OSBPL1A: variants seen among roughly 807,000 people sequenced by gnomAD.
OSBPL1A encodes oxysterol binding protein like 1A.
In OSBPL1A, 80 loss-of-function variants were observed where a neutral mutation model predicts 137.1. That is an observed-to-expected ratio of 0.58 (90% CI 0.49 to 0.70). The LOEUF (loss-of-function observed/expected upper bound fraction) is 0.70, where lower values mean the gene tolerates loss of function less well. Among genes scored for constraint, OSBPL1A ranks in the 30% least tolerant of loss-of-function variants. OSBPL1A has a pLI of 0.00. For missense variants in OSBPL1A, 970 were observed against 1,129.4 expected (o/e 0.86, Z 2.02); for synonymous variants, 365 against 389.7 (o/e 0.94, Z 0.75).
intron 1 of OSBPL1A, among the ~76,000 whole-genome samples, chr18:24,394,751 CTT>C (rs1907613552): frequency 6.6e-6 from 1 of 152,036 alleles, no homozygotes; most frequent in Non-Finnish European, 1.5e-5. Context: ...TAAAGAAAAA[CTT>C]TAAACACAAA....
intron 15 of OSBPL1A, among the ~76,000 whole-genome samples, chr18:24,259,689 G>C (rs920968576): frequency 3.3e-5 from 5 of 151,952 alleles, no homozygotes; most frequent in African/African-American, 1.2e-4. Flanking sequence ...TTGGGTTTGG[G>C]GTTTTTTGCT....
chr18:24,200,745 CT>C (rs976301045), intron 17 of OSBPL1A, among the ~76,000 whole-genome samples: 2 of 151,924 alleles, frequency 1.3e-5, no homozygotes, highest in African/African-American at 4.8e-5. Flanking sequence ...AATTTTATGA[CT>C]CTAAAGTCAA....
intron 17 of OSBPL1A, among the ~76,000 whole-genome samples, chr18:24,204,435 A>G (rs1461787105): frequency 3.3e-5 from 5 of 152,066 alleles, no homozygotes; most frequent in African/African-American, 9.7e-5. Context: ...TTTGTCACCT[A>G]GATTGTACAT....
intron 4 of OSBPL1A, among the ~76,000 whole-genome samples, chr18:24,356,282 A>T (rs1383456781): frequency 6.6e-6 from 1 of 152,240 alleles, no homozygotes; most frequent in African/African-American, 2.4e-5. Context: ...CCAGGGAAAG[A>T]TTCTGCAACA....
In OSBPL1A at chr18:24,324,606, A is replaced by T. The variant is rs1185658491; in HGVS notation, c.626-5797T>A. Among the ~76,000 whole-genome samples, 4 of 88,614 alleles carry T rather than the reference A, an allele frequency of 4.5e-5. 2 individuals are homozygous for T. The highest frequency in any genetic ancestry group is 2.1e-4 in the African/African-American group (4 of 19,274). The allele number at this position is 88,614 out of a possible 152,430, so 58.1% of individuals were successfully genotyped here. ...AATAAAAACATGAATATGAATATAA[A>T]AAAAAAAAAAAAAAAAAAAAAAAAA... On this transcript the variant is annotated intron_variant, in intron 7 of 27. Transcript: ENST00000319481.
At chr18:24,280,017 G>A (rs1344906562) in intron 15 of OSBPL1A, among the ~76,000 whole-genome samples, 1 of 152,078 alleles carries the variant, frequency 6.6e-6, no homozygotes, top group African/African-American at 2.4e-5. Flanking sequence ...TGCAATATCG[G>A]CTTACTGCAA....
chr18:24,211,115 AC>A (rs1366047832), intron 17 of OSBPL1A, among the ~76,000 whole-genome samples: 1 of 152,016 alleles, frequency 6.6e-6, no homozygotes, highest in East Asian at 1.9e-4. Flanking sequence ...ACAGGTGCCC[AC>A]CACCACGCCC....
At chr18:24,231,500 G>C (rs1306198488) in intron 16 of OSBPL1A, among the ~76,000 whole-genome samples, 1 of 152,144 alleles carries the variant, frequency 6.6e-6, no homozygotes, top group Non-Finnish European at 1.5e-5. Context: ...ATGTTGGCCA[G>C]GCTGGTCTTG....
intron 27 of OSBPL1A, 116 bp downstream of exon 27, chr18:24,164,949 A>G (rs1038287066): frequency 3.0e-6 from 3 of 992,888 alleles, no homozygotes; most frequent in African/African-American, 1.6e-5. Context: ...ACAACTCGGC[A>G]GGGTTTGTGT....
At chr18:24,176,705 A>G (rs2086457306) in intron 21 of OSBPL1A, among the ~76,000 whole-genome samples, 1 of 152,176 alleles carries the variant, frequency 6.6e-6, no homozygotes, top group Non-Finnish European at 1.5e-5. Context: ...TTCCAGTGTC[A>G]GTTTAATTTT....
At chr18:24,254,227 C>A (rs140096999) in intron 15 of OSBPL1A, among the ~76,000 whole-genome samples, 447 of 152,290 alleles carry the variant, frequency 2.9e-3, no homozygotes, top group African/African-American at 0.01. Context: ...AAAGATAGAG[C>A]TAGACCTCAA....
intron 13 of OSBPL1A, among the ~76,000 whole-genome samples, chr18:24,310,923 T>C (rs2090610194): frequency 6.6e-6 from 1 of 152,152 alleles, no homozygotes; most frequent in African/African-American, 2.4e-5. Context: ...TTTCCCAGTT[T>C]TAATGTTACT....
intron 9 of OSBPL1A, among the ~76,000 whole-genome samples, chr18:24,318,311 G>C (rs1351951968): frequency 2.0e-5 from 3 of 152,070 alleles, no homozygotes; most frequent in African/African-American, 7.2e-5. Flanking sequence ...AGGCACGGTG[G>C]CGGGCGCCTA....
chr18:24,340,622 T>G (rs750509979), intron 5 of OSBPL1A, among the ~76,000 whole-genome samples: 10 of 152,118 alleles, frequency 6.6e-5, no homozygotes, highest in Non-Finnish European at 1.0e-4. Flanking sequence ...CTGACCAACA[T>G]GCTGAAACCC....
At chr18:24,266,415 G>C (rs916572939) in intron 15 of OSBPL1A, among the ~76,000 whole-genome samples, 1 of 152,112 alleles carries the variant, frequency 6.6e-6, no homozygotes, top group African/African-American at 2.4e-5. Context: ...AATATGTTGA[G>C]CAGATGGAAA....
In OSBPL1A at chr18:24,377,057, G is replaced by C. The variant is rs535535022; in HGVS notation, c.121+356C>G. Among the ~76,000 whole-genome samples the C allele has an allele frequency of 9.5e-4, 144 of 152,334 alleles. 1 individual carries two copies. The highest frequency in any genetic ancestry group is 1.5e-3 in the Admixed American group (23 of 15,300). The stretch of plus-strand genomic sequence containing the variant: ...CCACAGTGCAGCGATGGGCTGAAGG[G>C]CTCCTCAAGTGCCGCCAAAGTGGGA... On this transcript the variant is annotated intron_variant, in intron 2 of 27. Coordinates refer to ENST00000319481, the MANE Select transcript of OSBPL1A (RefSeq NM_080597.4).
Position 24,167,334 on chromosome 18 carries a change from C to A in OSBPL1A, c.2530G>T (p.Ala844Ser). The A allele has an allele frequency of 6.2e-7, 1 of 1,613,846 alleles. No homozygotes were observed. The highest frequency in any genetic ancestry group is 1.3e-5 in the African/African-American group (1 of 75,048). The change falls in exon 25 of 28, where the codon GCC becomes TCC. Residue 844 changes from alanine (A) to serine (S), a missense_variant. Around this residue, in one of 2 missense-constraint regions of OSBPL1A, gnomAD observed 323 missense variants for 456.8 expected, o/e 0.71. Transcript: ENST00000319481. ...WRIAPRPPNS[A>S]QMYNFTSFAM... is the part of the protein sequence containing the mutation. ...GCCAGCAAGCCCAGTCTCACCTGGG[C>A]AGAATTTGGAGGCCGTGGGGCTATT...
At chr18:24,198,838 T>C (rs1599477926) in intron 17 of OSBPL1A, among the ~76,000 whole-genome samples, 1 of 149,246 alleles carries the variant, frequency 6.7e-6, no homozygotes, top group African/African-American at 2.5e-5. Flanking sequence ...CAGGTGTCAC[T>C]GTTGTTTTGG....
At chr18:24,325,105 AAG>A (rs1481679814) in intron 7 of OSBPL1A, among the ~76,000 whole-genome samples, 3 of 152,104 alleles carry the variant, frequency 2.0e-5, no homozygotes, top group African/African-American at 4.8e-5. Flanking sequence ...AAAAGAAAGA[AAG>A]AAAGAAAAGG....
Sources: gnomAD v4.1 joint callset for allele counts (sites outside exome capture counted in the v4.1 genomes callset) on GRCh38, gnomAD v4.1.1 for gene constraint, gnomAD v4.1.1 regional missense constraint, MANE v1.5 for transcripts, NCBI Gene and HGNC (gene_info 2026-07-23, HGNC 2026-07-21) for gene names.